Variants in ATXN2 observed in about 807,000 individuals in gnomAD.
The protein encoded by ATXN2 is ataxin 2, also known as ataxin-2.
In ATXN2, 37 loss-of-function variants were observed where a neutral mutation model predicts 138.6. The observed-to-expected ratio is 0.27, with a 90% CI of 0.21 to 0.35. ATXN2 has a LOEUF of 0.35. Ranked by LOEUF, ATXN2 falls within the 10% of genes least tolerant of loss-of-function variation. ATXN2 has a pLI of 1.00. For synonymous variants in ATXN2, 549 were observed against 543.7 expected, an observed-to-expected ratio of 1.01 and a Z score of -0.13; for missense variants, 1,216 against 1,480.3, an observed-to-expected ratio of 0.82 and a Z score of 2.93.
Position 111,565,535 on chromosome 12 carries a change from G to A in ATXN2, c.252-9616C>T, listed in dbSNP as rs529551939. Among the ~76,000 whole-genome samples, 270 of 152,148 alleles carry A rather than the reference G, an allele frequency of 1.8e-3. 1 individual carries two copies. Among genetic ancestry groups the A allele is most frequent in the Non-Finnish European group, 2.9e-3 (199 of 68,028 alleles). Reference sequence around the variant, plus strand: ...TATCTGTTATAGTAATCTGTAATCAGTAATCGTTGATGTTACCCTGATTTC... The same window carrying A: ...TATCTGTTATAGTAATCTGTAATCAATAATCGTTGATGTTACCCTGATTTC... On this transcript the variant is annotated intron_variant, in intron 1 of 24. Transcript: ENST00000673436.
intron 21 of ATXN2, among the ~76,000 whole-genome samples, chr12:111,463,711 C>A (rs1485028661): frequency 2.0e-5 from 3 of 152,136 alleles, no homozygotes; most frequent in Non-Finnish European, 4.4e-5. Flanking sequence ...GAGAGGGGAC[C>A]TGTGCTGTCC....
chr12:111,544,480 T>C (rs1391419174), intron 5 of ATXN2, among the ~76,000 whole-genome samples: 2 of 152,244 alleles, frequency 1.3e-5, no homozygotes, highest in African/African-American at 2.4e-5. Context: ...TGTCTTTACT[T>C]GGAGCACAAA....
At chr12:111,476,597 CTATT>C (rs1198892047) in intron 18 of ATXN2, among the ~76,000 whole-genome samples, 1 of 152,206 alleles carries the variant, frequency 6.6e-6, no homozygotes, top group Non-Finnish European at 1.5e-5. Flanking sequence ...AAGTGCATCT[CTATT>C]TACGAATAAA....
chr12:111,507,599 G>A (rs1422941818), intron 14 of ATXN2, among the ~76,000 whole-genome samples: 21 of 146,996 alleles, frequency 1.4e-4, no homozygotes, highest in African/African-American at 4.6e-4. Context: ...ACCTCTGCCC[G>A]GCCGCCCCTT....
At chr12:111,495,036 T>C (rs1170719702) in intron 14 of ATXN2, among the ~76,000 whole-genome samples, 5 of 152,198 alleles carry the variant, frequency 3.3e-5, no homozygotes, top group African/African-American at 1.2e-4. Context: ...CTGGGTGCGG[T>C]GGCTCACGCC....
chr12:111,566,806 T>G (rs1015627747), intron 1 of ATXN2, among the ~76,000 whole-genome samples: 2 of 151,958 alleles, frequency 1.3e-5, no homozygotes, highest in Admixed American at 1.3e-4. Context: ...CCCCGCTAAT[T>G]TTTGTATTTT....
rs149725086 is a variant in ATXN2 at position 111,510,519 on chromosome 12, G to A, written c.1622C>T (p.Thr541Ile). The change falls in exon 12 of 25, where the codon ACC (threonine) becomes ATC (isoleucine). Residue 541 changes from threonine to isoleucine, a missense_variant. Physicochemically the swap from Thr to Ile is moderately conservative, Grantham distance 89 (BLOSUM62 -1). This residue lies in a region of ATXN2 where 215 missense variants were observed against 210.0 expected (regional missense o/e 1.02). Transcript: ENST00000673436. Reference protein sequence around the residue: ...RSPRQNSIGNTPSGPVLASPQ... With the variant: ...RSPRQNSIGNIPSGPVLASPQ... ...AGAAGCAAGAACTGGCCCACTGGGG[G>A]TATTTCCAATACTGTTCTGTCTGGG... is the stretch of plus-strand genomic sequence containing the variant. 9.3e-6 allele frequency: 15 copies of A among 1,614,092 alleles called. No homozygotes were observed. Among genetic ancestry groups the A allele is most frequent in the Non-Finnish European group, 1.3e-5 (15 of 1,179,968 alleles).
At chr12:111,561,852 C>T (rs1356569340) in intron 1 of ATXN2, among the ~76,000 whole-genome samples, 1 of 151,938 alleles carries the variant, frequency 6.6e-6, no homozygotes, top group African/African-American at 2.4e-5. Context: ...ACCTCTGTCG[C>T]TCAGGCTGGA....
chr12:111,524,642 G>C (rs1256991639), intron 6 of ATXN2, among the ~76,000 whole-genome samples: 1 of 152,182 alleles, frequency 6.6e-6, no homozygotes, highest in Non-Finnish European at 1.5e-5. Context: ...AACAAAACTA[G>C]TATGTGACAA....
rs758801498 is a variant in ATXN2 at position 111,453,886 on chromosome 12, C to T, written c.3271-41G>A. ...CTTTTACGCATACAGGCAACATCTC[C>T]GGCTTCAACAACATGTCAACTGTGT... On this transcript the variant is annotated intron_variant, in intron 23 of 24. Transcript: ENST00000673436. This position sits in a 1 kb window ranked among gnomAD's most constrained non-coding sequence, Gnocchi z 5.4. The T allele has an allele frequency of 1.7e-5, 26 of 1,559,788 alleles. No homozygotes were observed. The highest frequency in any genetic ancestry group is 2.3e-5 in the East Asian group (1 of 43,486).
intron 5 of ATXN2, among the ~76,000 whole-genome samples, chr12:111,547,912 G>C (rs1172127560): frequency 6.9e-6 from 1 of 145,096 alleles, no homozygotes; most frequent in Non-Finnish European, 1.5e-5. Flanking sequence ...GAACTTACTG[G>C]CTGGGCACAG....
At chr12:111,543,830 A>C (rs1439319229) in intron 5 of ATXN2, among the ~76,000 whole-genome samples, 1 of 152,206 alleles carries the variant, frequency 6.6e-6, no homozygotes, top group African/African-American at 2.4e-5. Context: ...TAATCCCATC[A>C]CTTTTGAAGG....
At chr12:111,464,575 T>C in intron 21 of ATXN2, 87 bp downstream of exon 21, 1 of 1,001,394 alleles carries the variant, frequency 1.0e-6, no homozygotes, top group Non-Finnish European at 1.5e-6. Flanking sequence ...AGGAAAATAT[T>C]GTTCAACAAG....
At chr12:111,589,168 A>G (rs1225283841) in intron 1 of ATXN2, among the ~76,000 whole-genome samples, 1 of 151,078 alleles carries the variant, frequency 6.6e-6, no homozygotes, top group African/African-American at 2.4e-5. Context: ...TACAAAAATT[A>G]GCCAGGCATG....
intron 1 of ATXN2, among the ~76,000 whole-genome samples, chr12:111,574,333 A>G (rs1032574746): frequency 1.4e-5 from 2 of 147,548 alleles, no homozygotes; most frequent in African/African-American, 5.0e-5. Context: ...AAAAAAAAAA[A>G]GGTATGGAGA....
At chr12:111,561,168 C>T (rs1369674638) in intron 1 of ATXN2, among the ~76,000 whole-genome samples, 2 of 148,854 alleles carry the variant, frequency 1.3e-5, no homozygotes, top group Non-Finnish European at 3.0e-5. Context: ...CTGGGCAATA[C>T]AGCGAGACTC....
At chr12:111,513,909 C>T (rs144897036) in intron 10 of ATXN2, among the ~76,000 whole-genome samples, 2 of 151,914 alleles carry the variant, frequency 1.3e-5, no homozygotes, top group Non-Finnish European at 2.9e-5. Flanking sequence ...GAAATTATGA[C>T]TACATGATAA....
chr12:111,483,452 CTTTT>C (rs927752030), intron 18 of ATXN2, among the ~76,000 whole-genome samples: 5 of 107,216 alleles, frequency 4.7e-5, no homozygotes, highest in South Asian at 3.5e-4. Context: ...TAAAAGAACT[CTTTT>C]TTTTTTTTTT....
chr12:111,489,018 A>C (rs138462645), intron 14 of ATXN2, among the ~76,000 whole-genome samples: 162 of 152,312 alleles, frequency 1.1e-3, no homozygotes, highest in Middle Eastern at 3.4e-3. Context: ...ATATTTACTG[A>C]GTGCTTACCA....
Sources: allele counts gnomAD v4.1 joint callset (sites outside exome capture counted in the v4.1 genomes callset), GRCh38; gene constraint gnomAD v4.1.1; regional missense constraint gnomAD v4.1.1; non-coding constraint Gnocchi (gnomAD v3.1); transcripts MANE v1.5; gene names NCBI Gene and HGNC (gene_info 2026-07-23, HGNC 2026-07-21).